TRMT11: variants seen among roughly 807,000 people sequenced by gnomAD.
TRMT11 encodes the protein tRNA methyltransferase 11.
Under a neutral mutation model 62.8 loss-of-function variants are expected in TRMT11, and 53 were observed. The observed-to-expected ratio is 0.84, with a 90% CI of 0.68 to 1.06. The LOEUF is 1.06. Among genes scored for constraint, TRMT11 ranks in the 50% least tolerant of loss-of-function variants. TRMT11 has a pLI of 0.00. For synonymous variants in TRMT11, 188 were observed against 190.3 expected, an observed-to-expected ratio of 0.99 and a Z score of 0.10; for missense variants, 556 against 553.4, an observed-to-expected ratio of 1.00 and a Z score of -0.05.
In TRMT11 at chr6:126,151,872, T is replaced by C. The variant is rs1383687897; in HGVS notation, c.*1824-22953T>C. Among the ~76,000 whole-genome samples, 9 of 123,554 alleles carry C rather than the reference T, an allele frequency of 7.3e-5. 1 individual carries two copies. The highest frequency in any genetic ancestry group is 1.4e-4 in the Non-Finnish European group (8 of 58,956). The allele number at this position is 123,554 out of a possible 152,430, so 81.1% of individuals were successfully genotyped here. A position where few individuals can be genotyped will look rare whatever the true frequency, so the allele number is the denominator to read the frequency against. On this transcript the variant is annotated intron_variant and NMD_transcript_variant, in intron 21 of 22. Coordinates refer to the TRMT11 transcript ENST00000648977. ...TTTCTTTCTTTCTTTCTTTCCTTCT[T>C]TCTCCTTCCTTCCTTGTCTTTTTCT...
chr6:126,136,799 GA>G (rs1461963861), intron 21 of TRMT11, among the ~76,000 whole-genome samples: 1 of 151,692 alleles, frequency 6.6e-6, no homozygotes, highest in Non-Finnish European at 1.5e-5. Flanking sequence ...TAGACCAATG[GA>G]AGAGGATAGA....
chr6:126,215,829 C>T, the TRMT11 span, among the ~76,000 whole-genome samples: 2 of 151,926 alleles, frequency 1.3e-5, no homozygotes, highest in Non-Finnish European at 2.9e-5. Context: ...CAACTTAATG[C>T]TGAATGCACA....
Position 126,128,222 on chromosome 6 carries a change from C to T in TRMT11, c.*1823+12367C>T, listed in dbSNP as rs375605363. On this transcript the variant is annotated intron_variant and NMD_transcript_variant, in intron 21 of 22. Coordinates refer to the TRMT11 transcript ENST00000648977. ...GGAGTGAATTAAGATGAGAACATAA[C>T]AAATGTCAGCTCATAACAAATGTCA... is the stretch of plus-strand genomic sequence containing the variant. 1.2e-4 allele frequency among the ~76,000 whole-genome samples: 19 copies of T among 152,160 alleles called. No individual in the cohort carries two copies. In the East Asian group the frequency reaches 1.7e-3, roughly 14 times the overall value.
At chr6:126,237,772 A>G in the TRMT11 span, among the ~76,000 whole-genome samples, 9 of 152,348 alleles carry the variant, frequency 5.9e-5, no homozygotes, top group South Asian at 1.5e-3. Flanking sequence ...AGGGAAGATT[A>G]TCTGCTCAAA....
chr6:126,140,099 G>C (rs940366521), intron 21 of TRMT11, among the ~76,000 whole-genome samples: 7 of 151,918 alleles, frequency 4.6e-5, no homozygotes, highest in African/African-American at 1.5e-4. Context: ...AATTTCAGAA[G>C]ATTAAAAATG....
intron 21 of TRMT11, among the ~76,000 whole-genome samples, chr6:126,153,522 T>C (rs985581229): frequency 1.3e-5 from 2 of 152,208 alleles, no homozygotes; most frequent in African/African-American, 4.8e-5. Flanking sequence ...GTAAAGTAAA[T>C]TATAGTGTAA....
intron 17 of TRMT11, among the ~76,000 whole-genome samples, chr6:126,073,620 G>T (rs1776924992): frequency 6.6e-6 from 1 of 151,552 alleles, no homozygotes; most frequent in African/African-American, 2.4e-5. Flanking sequence ...ATATAAAATT[G>T]TTCCTAGTTT....
intron 1 of TRMT11, among the ~76,000 whole-genome samples, chr6:125,993,434 T>G (rs1790957974): frequency 6.6e-6 from 1 of 152,238 alleles, no homozygotes; most frequent in Non-Finnish European, 1.5e-5. Flanking sequence ...ATTTTCATTT[T>G]AACTTTATTC....
the TRMT11 span, among the ~76,000 whole-genome samples, chr6:126,244,979 T>A: frequency 6.6e-6 from 1 of 152,230 alleles, no homozygotes; most frequent in Admixed American, 6.5e-5. Flanking sequence ...TAGAATAATG[T>A]CTATATCCAA....
chr6:126,191,885 C>T (rs1778605496), intron 1 of TRMT11, among the ~76,000 whole-genome samples: 2 of 151,976 alleles, frequency 1.3e-5, no homozygotes, highest in Admixed American at 1.3e-4. Context: ...TGTGATTATT[C>T]CAGCTTTGTT....
chr6:126,104,864 A>T (rs1777446838), intron 17 of TRMT11, among the ~76,000 whole-genome samples: 2 of 152,164 alleles, frequency 1.3e-5, no homozygotes, highest in South Asian at 4.1e-4. Flanking sequence ...AATGATAAAG[A>T]TATTATCCTA....
At chr6:126,194,604 C>T (rs373399256) in intron 1 of TRMT11, among the ~76,000 whole-genome samples, 27 of 152,266 alleles carry the variant, frequency 1.8e-4, no homozygotes, top group African/African-American at 6.5e-4. Context: ...GTTCTTAACT[C>T]TCTGGGCATA....
At chr6:126,007,321 C>A (rs1225225971) in intron 7 of TRMT11, among the ~76,000 whole-genome samples, 19 of 151,932 alleles carry the variant, frequency 1.3e-4, no homozygotes, top group Admixed American at 1.2e-3. Flanking sequence ...GATCTTGACC[C>A]TCCAGAGGCA....
chr6:126,205,684 G>A (rs963336252), downstream of TRMT11, among the ~76,000 whole-genome samples: 2 of 152,054 alleles, frequency 1.3e-5, no homozygotes, highest in African/African-American at 4.8e-5. Flanking sequence ...TTCCTTGGGT[G>A]TAACAAAGTA....
intron 17 of TRMT11, among the ~76,000 whole-genome samples, chr6:126,062,918 A>G (rs937047438): frequency 4.6e-5 from 7 of 152,238 alleles, no homozygotes; most frequent in Non-Finnish European, 8.8e-5. Flanking sequence ...GCTTTTGGAA[A>G]AGGATGGCAA....
chr6:125,989,188 G>T (rs1365204491), intron 1 of TRMT11, among the ~76,000 whole-genome samples: 1 of 149,784 alleles, frequency 6.7e-6, no homozygotes, highest in Non-Finnish European at 1.5e-5. Flanking sequence ...GAGTGCAGTG[G>T]CGCGGTCTCG....
intron 12 of TRMT11, among the ~76,000 whole-genome samples, chr6:126,030,483 A>G (rs1773997091): frequency 1.3e-5 from 2 of 152,172 alleles, no homozygotes; most frequent in East Asian, 1.9e-4. Context: ...CATAGCTTTA[A>G]TCGGTTCCAT....
chr6:126,166,904 T>C (rs1778274133), intron 21 of TRMT11, among the ~76,000 whole-genome samples: 1 of 152,080 alleles, frequency 6.6e-6, no homozygotes, highest in Non-Finnish European at 1.5e-5. Context: ...GGAGGCTTTG[T>C]TTACAGTGTG....
At chr6:126,271,933 A>G in the TRMT11 span, among the ~76,000 whole-genome samples, 2 of 152,214 alleles carry the variant, frequency 1.3e-5, no homozygotes, top group African/African-American at 2.4e-5. Flanking sequence ...CTGCATGGAC[A>G]TGAAATGTGA....
Sources: allele counts gnomAD v4.1 joint callset (sites outside exome capture counted in the v4.1 genomes callset), GRCh38; gene constraint gnomAD v4.1.1; transcripts MANE v1.5; gene names NCBI Gene and HGNC (gene_info 2026-07-23, HGNC 2026-07-21).